PABPC4L: variants seen among roughly 807,000 people sequenced by gnomAD.
PABPC4L encodes the protein poly(A) binding protein cytoplasmic 4 like.
For synonymous variants in PABPC4L, 169 were observed against 164.1 expected (o/e 1.03, Z -0.23); for missense variants, 452 against 451.4 (o/e 1.00, Z -0.01).
the PABPC4L span, among the ~76,000 whole-genome samples, chr4:134,181,468 G>T: frequency 2.6e-5 from 4 of 151,920 alleles, no homozygotes; most frequent in African/African-American, 7.2e-5. Context: ...ACAAAACAAG[G>T]TTGCCCTTTC....
chr4:134,031,965 A>G, the PABPC4L span, among the ~76,000 whole-genome samples: 1 of 151,914 alleles, frequency 6.6e-6, no homozygotes, highest in East Asian at 1.9e-4. Context: ...GAAGAGAAGT[A>G]TAAAAATATA....
chr4:134,051,506 T>C, the PABPC4L span, among the ~76,000 whole-genome samples: 4 of 152,180 alleles, frequency 2.6e-5, no homozygotes, highest in African/African-American at 9.6e-5. Flanking sequence ...TTGAGCATTC[T>C]GGGTAATAGT....
chr4:134,154,637 T>C, the PABPC4L span, among the ~76,000 whole-genome samples: 1 of 152,094 alleles, frequency 6.6e-6, no homozygotes, highest in Non-Finnish European at 1.5e-5. Context: ...GTAAGATTTT[T>C]TTTTCTCCAG....
the PABPC4L span, among the ~76,000 whole-genome samples, chr4:134,093,287 T>G: frequency 6.6e-6 from 1 of 151,818 alleles, no homozygotes; most frequent in African/African-American, 2.4e-5. Flanking sequence ...TTTGACACAT[T>G]CATTTTCATT....
chr4:134,117,241 C>T, the PABPC4L span, among the ~76,000 whole-genome samples: 5 of 151,626 alleles, frequency 3.3e-5, no homozygotes, highest in Non-Finnish European at 7.4e-5. Flanking sequence ...AGGCTGCTGA[C>T]CATGGAGGAA....
At chr4:133,949,344 G>A in the PABPC4L span, among the ~76,000 whole-genome samples, 28,514 of 152,024 alleles carry the variant, frequency 0.19, 3,149 homozygotes, top group Middle Eastern at 0.26. Flanking sequence ...TAGGGTCTCA[G>A]GGGTGGAGGC....
chr4:134,062,582 CAT>C, the PABPC4L span, among the ~76,000 whole-genome samples: 1 of 151,952 alleles, frequency 6.6e-6, no homozygotes. Context: ...AGCAGAGAAA[CAT>C]ATCCCATTAC....
chr4:134,095,879 AC>A, the PABPC4L span, among the ~76,000 whole-genome samples: 1 of 151,946 alleles, frequency 6.6e-6, no homozygotes, highest in Non-Finnish European at 1.5e-5. Flanking sequence ...CAAAAGTTGC[AC>A]CCTGCACAGA....
At chr4:134,043,588 A>G in the PABPC4L span, among the ~76,000 whole-genome samples, 4 of 152,148 alleles carry the variant, frequency 2.6e-5, no homozygotes, top group African/African-American at 9.7e-5. Context: ...GGTGAGAAGC[A>G]GGTACCAAAG....
At chr4:134,031,209 C>A in the PABPC4L span, among the ~76,000 whole-genome samples, 1 of 152,078 alleles carries the variant, frequency 6.6e-6, no homozygotes, top group African/African-American at 2.4e-5. Context: ...TATAGTACCT[C>A]CTATAGGAAG....
chr4:133,951,466 C>T, the PABPC4L span, among the ~76,000 whole-genome samples: 30 of 152,060 alleles, frequency 2.0e-4, no homozygotes, highest in Non-Finnish European at 3.8e-4. Flanking sequence ...TAACAGGGCC[C>T]CATCCAAGGT....
At chr4:134,195,067 T>C (rs72944867), downstream of PABPC4L, among the ~76,000 whole-genome samples, 1,458 of 151,850 alleles carry the variant, frequency 9.6e-3, 26 homozygotes, top group African/African-American at 0.033. Flanking sequence ...GTCATTTGTA[T>C]ACAAACTATA....
the PABPC4L span, among the ~76,000 whole-genome samples, chr4:134,018,057 C>T: frequency 6.6e-6 from 1 of 152,122 alleles, no homozygotes; most frequent in Non-Finnish European, 1.5e-5. Flanking sequence ...CCTGACTTAA[C>T]TGATGACATT....
the PABPC4L span, among the ~76,000 whole-genome samples, chr4:134,097,055 T>C: frequency 1.3e-5 from 2 of 152,106 alleles, no homozygotes; most frequent in Admixed American, 6.6e-5. Context: ...AGTGTGTAAT[T>C]GTTTTATTAC....
the PABPC4L span, among the ~76,000 whole-genome samples, chr4:134,096,878 G>T: frequency 6.6e-6 from 1 of 151,940 alleles, no homozygotes; most frequent in African/African-American, 2.4e-5. Flanking sequence ...TGCAGATTAT[G>T]TAAAAATGCT....
the PABPC4L span, among the ~76,000 whole-genome samples, chr4:134,019,030 G>T: frequency 6.6e-6 from 1 of 152,056 alleles, no homozygotes; most frequent in Non-Finnish European, 1.5e-5. Flanking sequence ...CACTTGGGTT[G>T]GAAATGACTT....
the PABPC4L span, among the ~76,000 whole-genome samples, chr4:134,103,905 T>C: frequency 6.6e-6 from 1 of 151,714 alleles, no homozygotes; most frequent in Non-Finnish European, 1.5e-5. Flanking sequence ...AATTTGTCTA[T>C]GAGCTGCTTT....
At chr4:134,143,621 T>A in the PABPC4L span, among the ~76,000 whole-genome samples, 1 of 151,102 alleles carries the variant, frequency 6.6e-6, no homozygotes, top group Non-Finnish European at 1.5e-5. Context: ...TTGAATTTTA[T>A]TTTATTGGCA....
At chr4:133,983,327 A>T in the PABPC4L span, among the ~76,000 whole-genome samples, 1 of 151,908 alleles carries the variant, frequency 6.6e-6, no homozygotes, top group Admixed American at 6.6e-5. Context: ...GTCATATGCA[A>T]AATGTCTCAT....
Sources: gnomAD v4.1 joint callset for allele counts (sites outside exome capture counted in the v4.1 genomes callset) on GRCh38, gnomAD v4.1.1 for gene constraint, MANE v1.5 for transcripts, NCBI Gene and HGNC (gene_info 2026-07-23, HGNC 2026-07-21) for gene names.